Variants in SAR1A observed in about 807,000 individuals in gnomAD.
The protein encoded by SAR1A is small COPII coat GTPase SAR1A.
In SAR1A, 6 loss-of-function variants were observed where a neutral mutation model predicts 22.6. The observed-to-expected ratio is 0.27, with a 90% confidence interval of 0.15 to 0.52. SAR1A has a LOEUF of 0.52. Among genes scored for constraint, SAR1A ranks in the 20% least tolerant of loss-of-function variants. The pLI, the probability that SAR1A is intolerant of heterozygous loss-of-function variation, is 0.96. For missense variants in SAR1A, 145 were observed against 245.1 expected, an observed-to-expected ratio of 0.59 and a Z score of 2.73; for synonymous variants, 70 against 82.2, an observed-to-expected ratio of 0.85 and a Z score of 0.80.
At chr10:70,159,239 AT>A (rs1387451203) in intron 4 of SAR1A, among the ~76,000 whole-genome samples, 2 of 152,192 alleles carry the variant, frequency 1.3e-5, no homozygotes, top group Admixed American at 1.3e-4. Context: ...CTTTACTGGT[AT>A]TTTATGTGAT....
rs973730445 is a variant in SAR1A, at chr10:70,149,588, C to T, written c.*2888G>A. 1.9e-4 allele frequency: 18 copies of T among 95,910 alleles called. No homozygotes were observed. Among genetic ancestry groups the T allele is most frequent in the Admixed American group, 4.7e-4 (3 of 6,374 alleles). The allele number at this position is 95,910 out of a possible 1,614,324, so 5.9% of individuals were successfully genotyped here. On this transcript the variant is annotated 3_prime_UTR_variant, in exon 7 of 7. Transcript: ENST00000373241. ...TTTTTTTGAGCTAGAGAGAGTCTTG[C>T]TCTGTCACCCAGGCAGGAGTACAGT...
chr10:70,154,236 A>G (rs1839359622), intron 5 of SAR1A, among the ~76,000 whole-genome samples: 1 of 152,232 alleles, frequency 6.6e-6, no homozygotes, highest in Non-Finnish European at 1.5e-5. Flanking sequence ...CTGCCCCAAT[A>G]TTAACTTTTG....
At position 70,161,628 on chromosome 10, in the gene SAR1A, G is replaced by A; in HGVS notation, c.169C>T (p.Leu57=). 6.2e-7 allele frequency: 1 copy of A among 1,612,294 alleles called. No homozygotes were observed. The highest frequency in any genetic ancestry group is 2.2e-4 in the Middle Eastern group (1 of 4,484). The stretch of plus-strand genomic sequence containing the variant: ...ATATTTTCAAACCTACTCGGATGTA[G>A]TGTTGGAACATGTTGGCCCAATCTG... ...DDRLGQHVPT[L]HPTSEELTIA... is the part of the protein sequence containing the mutation. Residue 57 remains leucine, a synonymous_variant, in exon 3 of 7, where the codon CTA becomes TTA. Transcript: ENST00000373241.
Position 70,149,659 on chromosome 10 carries a change from A to AT in SAR1A, c.*2816dup, listed in dbSNP as rs1423367239. On this transcript the variant is annotated 3_prime_UTR_variant, in exon 7 of 7. Coordinates refer to ENST00000373241, the MANE Select transcript of SAR1A (RefSeq NM_020150.5). ...CAATCTCCACCTCCTAGTTCAAGCGATTCTCCGCCTCAGCCTCCAGAGTAG... is the reference window on the plus strand; with the variant it reads ...CAATCTCCACCTCCTAGTTCAAGCGATTTCTCCGCCTCAGCCTCCAGAGTAG... 2.1e-5 allele frequency: 3 copies of AT among 142,882 alleles called. No homozygotes were observed. Among genetic ancestry groups the AT allele is most frequent in the Non-Finnish European group, 4.5e-5 (3 of 66,906 alleles). 8.9% of individuals were successfully genotyped at this position (142,882 alleles called of 1,614,324 possible).
rs112014679 is a variant in SAR1A at position 70,167,844 on chromosome 10, T to C, written c.-17+2569A>G. ...TTTTTTGCCTTTTCAATAACAAATA[T>C]ATTTCAGCAGAAAGACTGCATTTAT... On this transcript the variant is annotated intron_variant, in intron 1 of 6. Coordinates refer to ENST00000373241, the MANE Select transcript of SAR1A (RefSeq NM_020150.5). Among the ~76,000 whole-genome samples, 203 of 152,346 alleles carry C rather than the reference T, an allele frequency of 1.3e-3. 1 individual carries two copies. The highest frequency in any genetic ancestry group is 2.2e-3 in the Non-Finnish European group (147 of 68,026).
chr10:70,161,868 G>A lies in SAR1A; in HGVS notation c.48C>T (p.Leu16=), dbSNP rs1201860946. The change falls in exon 2 of 7, where the codon CTC becomes CTT. Residue 16 remains leucine, a synonymous_variant. Transcript: ENST00000373241. ...EWIYNGFSSV[L]QFLGLYKKSG... Reference sequence around the variant, plus strand: ...AGGAAATGGCTTTACCTAGGAACTGGAGCACACTGCTGAAGCCATTGTAGA... The same window carrying A: ...AGGAAATGGCTTTACCTAGGAACTGAAGCACACTGCTGAAGCCATTGTAGA... 6.2e-7 allele frequency: 1 copy of A among 1,613,376 alleles called. No individual in the cohort carries two copies. The highest frequency in any genetic ancestry group is 8.5e-7 in the Non-Finnish European group (1 of 1,179,898).
chr10:70,165,264 CAAAAAAAAAAAAAA>C (rs34191043), intron 1 of SAR1A, among the ~76,000 whole-genome samples: 1 of 92,918 alleles, frequency 1.1e-5, no homozygotes. Context: ...GACTCCGTCT[CAAAAAAAAAAAAAA>C]AAAAAAAGAA....
intron 5 of SAR1A, among the ~76,000 whole-genome samples, chr10:70,155,322 T>A (rs984414589): frequency 6.6e-6 from 1 of 151,838 alleles, no homozygotes; most frequent in Non-Finnish European, 1.5e-5. Flanking sequence ...AAAAAAAATT[T>A]AAAAAAGACA....
rs1013924720 is a variant in SAR1A at position 70,148,449 on chromosome 10, T to G, written c.*4027A>C. The G allele has an allele frequency of 1.3e-5, 2 of 152,172 alleles. No homozygotes were observed. The highest frequency in any genetic ancestry group is 4.8e-5 in the African/African-American group (2 of 41,446). 9.4% of individuals were successfully genotyped at this position (152,172 alleles called of 1,614,324 possible). A position where few individuals can be genotyped will look rare whatever the true frequency, so the allele number is the denominator to read the frequency against. ...TTGGTTCTATGACACAGAAGGTGGCTTGATCACAGCACAATTTCTTTATCC... is the reference window on the plus strand; with the variant it reads ...TTGGTTCTATGACACAGAAGGTGGCGTGATCACAGCACAATTTCTTTATCC... On this transcript the variant is annotated 3_prime_UTR_variant, in exon 7 of 7. Transcript: ENST00000373241.
At chr10:70,157,133 G>A (rs780609317) in intron 5 of SAR1A, among the ~76,000 whole-genome samples, 3 of 152,116 alleles carry the variant, frequency 2.0e-5, no homozygotes, top group Non-Finnish European at 4.4e-5. Context: ...GGCCAGGCGC[G>A]GTGGCTCATG....
At chr10:70,163,940 T>TA in intron 1 of SAR1A, 1 of 1,552,312 alleles carries the variant, frequency 6.4e-7, no homozygotes, top group East Asian at 2.2e-5. Context: ...AAGAAGAAAT[T>TA]AGAGAAACAT....
Position 70,161,758 on chromosome 10 carries a change from T to C in SAR1A, c.59-20A>G. ...ACAGTCCTAAAAGAGAAAAAAATTG[T>C]TAACACATTTGCTCTCTACAGACCA... On this transcript the variant is annotated intron_variant, in intron 2 of 6. Transcript: ENST00000373241. 6.2e-7 allele frequency: 1 copy of C among 1,613,784 alleles called. No individual in the cohort carries two copies. The highest frequency in any genetic ancestry group is 8.5e-7 in the Non-Finnish European group (1 of 1,179,942).
rs76907173 is a variant in SAR1A, at chr10:70,149,264, G to A, written c.*3212C>T. On this transcript the variant is annotated 3_prime_UTR_variant, in exon 7 of 7. Coordinates refer to ENST00000373241, the MANE Select transcript of SAR1A (RefSeq NM_020150.5). Reference sequence around the variant, plus strand: ...TAATTTTTGTATTTTTAGTAGAGACGGAGCTCTGCCATGTTGGTCAGGCTG... The same window carrying A: ...TAATTTTTGTATTTTTAGTAGAGACAGAGCTCTGCCATGTTGGTCAGGCTG... 9,017 of 152,102 alleles carry A rather than the reference G, an allele frequency of 0.059. 466 individuals are homozygous for A. Among genetic ancestry groups the A allele is most frequent in the East Asian group, 0.21 (1,093 of 5,154 alleles). 9.4% of individuals were successfully genotyped at this position (152,102 alleles called of 1,614,324 possible).
intron 1 of SAR1A, among the ~76,000 whole-genome samples, chr10:70,164,356 C>A (rs56693077): frequency 0.029 from 4,472 of 152,298 alleles, 204 homozygotes; most frequent in East Asian, 0.22. Context: ...CCGGATATAT[C>A]TAAGCCCTTC....
rs1262325796 is a variant in SAR1A, at chr10:70,152,455, T to C, written c.*21A>G. 2 of 1,559,180 alleles carry C rather than the reference T, an allele frequency of 1.3e-6. No homozygotes were observed. Among genetic ancestry groups the C allele is most frequent in the Non-Finnish European group, 1.8e-6 (2 of 1,129,884 alleles). Reference sequence around the variant, plus strand: ...GATCAGTCCAGAGAAGTAAAACTCTTTTATTTTCACCGTCCAAACATCAGT... The same window carrying C: ...GATCAGTCCAGAGAAGTAAAACTCTCTTATTTTCACCGTCCAAACATCAGT... On this transcript the variant is annotated 3_prime_UTR_variant, in exon 7 of 7. Coordinates refer to ENST00000373241, the MANE Select transcript of SAR1A (RefSeq NM_020150.5).
intron 4 of SAR1A, among the ~76,000 whole-genome samples, 193 bp from the exon 5 acceptor site, chr10:70,158,060 T>G (rs558662480): frequency 6.6e-6 from 1 of 152,352 alleles, no homozygotes; most frequent in East Asian, 1.9e-4. Context: ...GAACCTGATT[T>G]TTGTAAATTT....
intron 5 of SAR1A, chr10:70,155,206 G>A (rs1196094302): frequency 3.0e-5 from 14 of 460,402 alleles, no homozygotes; most frequent in South Asian, 1.9e-4. Context: ...TCTATCTGTG[G>A]TGTTCATGTA....
In SAR1A at chr10:70,151,259, C is replaced by CAAAAAAAAAAAAAAAAAAAAAAAA. The variant is rs201493587; in HGVS notation, c.*1193_*1216dup. On this transcript the variant is annotated 3_prime_UTR_variant, in exon 7 of 7. Transcript: ENST00000373241. ...GCAATGGAGAAAGACAATTTCATACCAAAAAAAAAAAAAAAAAAAAAAAAA... is the reference window on the plus strand; with the variant it reads ...GCAATGGAGAAAGACAATTTCATACCAAAAAAAAAAAAAAAAAAAAAAAAAAAAAAAAAAAAAAAAAAAAAAAAA... 2.7e-4 allele frequency: 19 copies of CAAAAAAAAAAAAAAAAAAAAAAAA among 70,358 alleles called. 1 individual carries two copies. Among genetic ancestry groups the CAAAAAAAAAAAAAAAAAAAAAAAA allele is most frequent in the Non-Finnish European group, 4.7e-4 (18 of 38,018 alleles). The allele number at this position is 70,358 out of a possible 1,614,324, so 4.4% of individuals were successfully genotyped here.
chr10:70,164,165 A>C, intron 1 of SAR1A: 2 of 660,956 alleles, frequency 3.0e-6, no homozygotes, highest in Non-Finnish European at 5.6e-6. Context: ...TTCTTGCACA[A>C]AACTGTTTAT....
Sources: gnomAD v4.1 joint callset for allele counts (sites outside exome capture counted in the v4.1 genomes callset) on GRCh38, gnomAD v4.1.1 for gene constraint, MANE v1.5 for transcripts, NCBI Gene and HGNC (gene_info 2026-07-23, HGNC 2026-07-21) for gene names.